The following ATP2A2 variants were observed in gnomAD, a reference collection of about 807,000 sequenced individuals.
ATP2A2 encodes the protein sarcoplasmic/endoplasmic reticulum calcium ATPase 2.
In ATP2A2, 14 loss-of-function variants were observed where a neutral mutation model predicts 109.3. The observed-to-expected ratio is 0.13, with a 90% CI of 0.08 to 0.20. The LOEUF is 0.20. Among genes scored for constraint, ATP2A2 ranks in the 10% least tolerant of loss-of-function variants. The pLI, the probability that ATP2A2 is intolerant of heterozygous loss-of-function variation, is 1.00. For missense variants in ATP2A2, 657 were observed against 1,321.6 expected, an observed-to-expected ratio of 0.50 and a Z score of 7.80; for synonymous variants, 506 against 490.9, an observed-to-expected ratio of 1.03 and a Z score of -0.41.
Position 110,349,339 on chromosome 12 carries a change from C to G in ATP2A2, c.*2869C>G, listed in dbSNP as rs1176289608. On this transcript the variant is annotated 3_prime_UTR_variant, in exon 20 of 20. Coordinates refer to ENST00000539276, the MANE Select transcript of ATP2A2 (RefSeq NM_170665.4). ...GCTGTCAGGCAGCTCTTGCCTGAAA[C>G]TTACTTCCACATTCTTTCCTGATGG... 1.0e-6 allele frequency: 1 copy of G among 985,396 alleles called. No homozygotes were observed. Among genetic ancestry groups the G allele is most frequent in the East Asian group, 1.1e-4 (1 of 8,828 alleles). The allele number at this position is 985,396 out of a possible 1,614,324, so 61.0% of individuals were successfully genotyped here.
intron 3 of ATP2A2, among the ~76,000 whole-genome samples, chr12:110,291,640 C>CTTTTTTTTTTTTTTT (rs34738611): frequency 8.6e-6 from 1 of 116,156 alleles, no homozygotes. Context: ...GTGCTAGCCA[C>CTTTTTTTTTTTTTTT]TTTTTTTTTT....
At chr12:110,318,093 T>C (rs937221418) in intron 5 of ATP2A2, among the ~76,000 whole-genome samples, 2 of 152,190 alleles carry the variant, frequency 1.3e-5, no homozygotes, top group African/African-American at 4.8e-5. Context: ...ACCAGGGAAA[T>C]GTTACAGGAT....
Position 110,347,114 on chromosome 12 carries a change from C to T in ATP2A2, c.*644C>T, listed in dbSNP as rs905228358. 8.8e-6 allele frequency: 10 copies of T among 1,137,060 alleles called. No individual in the cohort carries two copies. Among genetic ancestry groups the T allele is most frequent in the Admixed American group, 4.5e-5 (1 of 22,388 alleles). The allele number at this position is 1,137,060 out of a possible 1,614,324, so 70.4% of individuals were successfully genotyped here. A position where few individuals can be genotyped will look rare whatever the true frequency, so the allele number is the denominator to read the frequency against. ...TTCGTTCTGTTTACATCAGTTTTAACGAGAGGTATGCCTGTACTCGCTTGT... is the reference window on the plus strand; with the variant it reads ...TTCGTTCTGTTTACATCAGTTTTAATGAGAGGTATGCCTGTACTCGCTTGT... On this transcript the variant is annotated 3_prime_UTR_variant, in exon 20 of 20. Coordinates refer to ENST00000539276, the MANE Select transcript of ATP2A2 (RefSeq NM_170665.4).
At chr12:110,310,359 C>G (rs534941134) in intron 5 of ATP2A2, among the ~76,000 whole-genome samples, 37 of 152,160 alleles carry the variant, frequency 2.4e-4, no homozygotes, top group African/African-American at 7.5e-4. Context: ...CTCCTGGGCT[C>G]AAGGGATCCT....
chr12:110,322,620 A>G (rs575968841), intron 5 of ATP2A2, among the ~76,000 whole-genome samples: 16 of 152,338 alleles, frequency 1.1e-4, no homozygotes, highest in African/African-American at 3.6e-4. Flanking sequence ...GGCATATACA[A>G]CTTTATTCTC....
intron 5 of ATP2A2, among the ~76,000 whole-genome samples, chr12:110,305,975 A>T (rs753504596): frequency 6.8e-6 from 1 of 147,200 alleles, no homozygotes; most frequent in African/African-American, 2.5e-5. Context: ...TGGCGGGGGG[A>T]ATATTTGTAA....
intron 5 of ATP2A2, among the ~76,000 whole-genome samples, chr12:110,315,937 A>G (rs1218098864): frequency 2.6e-5 from 4 of 151,958 alleles, no homozygotes; most frequent in African/African-American, 7.3e-5. Flanking sequence ...AACAAACAAA[A>G]TTAGCTTGGT....
chr12:110,344,830 G>A lies in ATP2A2; in HGVS notation c.2522-56G>A, dbSNP rs531508253. 1.5e-4 allele frequency: 227 copies of A among 1,540,998 alleles called. 1 individual carries two copies. Among genetic ancestry groups the A allele is most frequent in the Middle Eastern group, 1.0e-3 (6 of 5,890 alleles). On this transcript the variant is annotated intron_variant, in intron 16 of 19. Coordinates refer to ENST00000539276, the MANE Select transcript of ATP2A2 (RefSeq NM_170665.4). ...TGTGGGGACTGGCCTGCATGGCCTC[G>A]GTGGCAGCGAGCCCTGCAGAGGCAA... is the stretch of plus-strand genomic sequence containing the variant.
chr12:110,281,717 C>G lies in ATP2A2; in HGVS notation c.-73C>G. 1.8e-6 allele frequency: 2 copies of G among 1,125,376 alleles called. No homozygotes were observed. The highest frequency in any genetic ancestry group is 2.4e-6 in the Non-Finnish European group (2 of 844,656). 69.7% of individuals were successfully genotyped at this position (1,125,376 alleles called of 1,614,324 possible). A position where few individuals can be genotyped will look rare whatever the true frequency, so the allele number is the denominator to read the frequency against. On this transcript the variant is annotated 5_prime_UTR_variant, in exon 1 of 20. Transcript: ENST00000539276. ...CTGGGCTCCCGGGGTGGCACGAGCC[C>G]GCGGCCGGAGTGCGAGGCGGAGGCG...
intron 1 of ATP2A2, 62 bp downstream of exon 1, chr12:110,281,969 T>G: frequency 7.3e-7 from 1 of 1,370,108 alleles, no homozygotes; most frequent in Non-Finnish European, 9.9e-7. Context: ...GGAAGATGGC[T>G]GACCGGGCTC....
At chr12:110,324,611 G>T (rs896274687) in intron 6 of ATP2A2, among the ~76,000 whole-genome samples, 1 of 151,906 alleles carries the variant, frequency 6.6e-6, no homozygotes, top group South Asian at 2.1e-4. Flanking sequence ...TAGTAGAGAC[G>T]GGGTTTCACT....
intron 5 of ATP2A2, among the ~76,000 whole-genome samples, chr12:110,297,512 G>A (rs1592804785): frequency 6.6e-6 from 1 of 151,750 alleles, no homozygotes; most frequent in East Asian, 1.9e-4. Context: ...CTGAATTCCA[G>A]AGATAGCTTC....
chr12:110,322,968 C>T, intron 5 of ATP2A2, 24 bp from the exon 6 acceptor site: 1 of 1,568,382 alleles, frequency 6.4e-7, no homozygotes, highest in African/African-American at 1.4e-5. Context: ...CTCATTTCAG[C>T]CGCCTTTTTT....
intron 4 of ATP2A2, chr12:110,296,359 T>C (rs1051881736): frequency 5.9e-6 from 3 of 512,012 alleles, no homozygotes; most frequent in African/African-American, 3.9e-5. Context: ...GAGTCTGTAA[T>C]TGCTTTTCCT....
chr12:110,287,354 A>G (rs1265309250), intron 3 of ATP2A2, among the ~76,000 whole-genome samples: 1 of 152,232 alleles, frequency 6.6e-6, no homozygotes, highest in African/African-American at 2.4e-5. Flanking sequence ...AATCTTGTGG[A>G]TAATAATTGG....
rs1877881882 is a variant in ATP2A2 at position 110,327,092 on chromosome 12, A to G, written c.631-461A>G. 6.6e-6 allele frequency among the ~76,000 whole-genome samples: 1 copy of G among 152,208 alleles called. No individual in the cohort carries two copies. The highest frequency in any genetic ancestry group is 2.4e-5 in the African/African-American group (1 of 41,458). On this transcript the variant is annotated intron_variant, in intron 7 of 19. Transcript: ENST00000539276. The surrounding 1 kb of genome is among the most constrained non-coding windows in gnomAD (Gnocchi z 4.4). Reference sequence around the variant, plus strand: ...TTATAACACTAGGAATTAAAGTGGCATGGGAGAGACTGCTCACATTTGATT... The same window carrying G: ...TTATAACACTAGGAATTAAAGTGGCGTGGGAGAGACTGCTCACATTTGATT...
At chr12:110,317,516 T>C (rs982659257) in intron 5 of ATP2A2, among the ~76,000 whole-genome samples, 1 of 152,030 alleles carries the variant, frequency 6.6e-6, no homozygotes, top group Non-Finnish European at 1.5e-5. Context: ...TAGCTACAAT[T>C]ATAGGCGCCC....
Position 110,349,740 on chromosome 12 carries a change from T to G in ATP2A2, c.*3270T>G. The G allele has an allele frequency of 9.9e-7, 1 of 1,013,470 alleles. No individual in the cohort carries two copies. Among genetic ancestry groups the G allele is most frequent in the Non-Finnish European group, 1.2e-6 (1 of 845,576 alleles). 62.8% of individuals were successfully genotyped at this position (1,013,470 alleles called of 1,614,324 possible). A position where few individuals can be genotyped will look rare whatever the true frequency, so the allele number is the denominator to read the frequency against. Reference sequence around the variant, plus strand: ...AGTGCCTGTGAGCAGAGCCAGCAGTTGCCCTGTGACTGTAACCACCAAATT... The same window carrying G: ...AGTGCCTGTGAGCAGAGCCAGCAGTGGCCCTGTGACTGTAACCACCAAATT... On this transcript the variant is annotated 3_prime_UTR_variant, in exon 20 of 20. Coordinates refer to ENST00000539276, the MANE Select transcript of ATP2A2 (RefSeq NM_170665.4).
At chr12:110,314,041 G>C (rs1364156316) in intron 5 of ATP2A2, among the ~76,000 whole-genome samples, 10 of 151,618 alleles carry the variant, frequency 6.6e-5, no homozygotes, top group Non-Finnish European at 1.5e-5. Context: ...AAAACCAAGG[G>C]CTTGGTGGCC....
Sources: allele counts gnomAD v4.1 joint callset (sites outside exome capture counted in the v4.1 genomes callset), GRCh38; gene constraint gnomAD v4.1.1; non-coding constraint Gnocchi (gnomAD v3.1); transcripts MANE v1.5; gene names NCBI Gene and HGNC (gene_info 2026-07-23, HGNC 2026-07-21).